Variants in CAST observed in about 807,000 individuals in gnomAD.
The protein encoded by CAST is calpastatin, also known as MIR583 host.
In CAST, 76 loss-of-function variants were observed where a neutral mutation model predicts 119.6. The ratio of observed to expected loss-of-function variants is 0.64; its 90% confidence interval spans 0.53 to 0.77. The LOEUF is 0.77. Ranked by LOEUF, CAST falls within the 30% of genes least tolerant of loss-of-function variation. CAST has a pLI of 0.00. For missense variants in CAST, 953 were observed against 946.5 expected (o/e 1.01, Z -0.09); for synonymous variants, 319 against 331.6 (o/e 0.96, Z 0.41).
At chr5:96,013,331 T>A in the CAST span, among the ~76,000 whole-genome samples, 3 of 151,774 alleles carry the variant, frequency 2.0e-5, no homozygotes, top group East Asian at 1.9e-4. Flanking sequence ...AATATATAGC[T>A]CCCACTCCAC....
At chr5:96,633,175 GT>G (rs1249510244) in intron 1 of CAST, among the ~76,000 whole-genome samples, 1 of 152,074 alleles carries the variant, frequency 6.6e-6, no homozygotes, top group African/African-American at 2.4e-5. Flanking sequence ...GTTTCATCAT[GT>G]TGGTCAAGCT....
chr5:96,263,120 A>T, the CAST span, among the ~76,000 whole-genome samples: 1 of 152,202 alleles, frequency 6.6e-6, no homozygotes, highest in African/African-American at 2.4e-5. Flanking sequence ...AGACAAACCA[A>T]GTATGAATTT....
intron 1 of CAST, among the ~76,000 whole-genome samples, chr5:96,579,734 T>C (rs989512696): frequency 1.3e-5 from 2 of 152,356 alleles, no homozygotes; most frequent in East Asian, 1.9e-4. Context: ...TTACAGTTCA[T>C]TGTAGTTCAT....
the CAST span, among the ~76,000 whole-genome samples, chr5:96,134,087 C>T: frequency 1.3e-5 from 2 of 152,182 alleles, no homozygotes; most frequent in African/African-American, 2.4e-5. Context: ...CACCATTTGG[C>T]CTTTAGTTGG....
At chr5:96,255,547 C>A in the CAST span, among the ~76,000 whole-genome samples, 1 of 130,126 alleles carries the variant, frequency 7.7e-6, no homozygotes, top group Non-Finnish European at 1.6e-5. Flanking sequence ...AGTAATAAAA[C>A]CAGGTCAGTC....
chr5:96,036,804 A>G, the CAST span, among the ~76,000 whole-genome samples: 2 of 152,164 alleles, frequency 1.3e-5, no homozygotes, highest in Non-Finnish European at 2.9e-5. Flanking sequence ...GCCAATACTT[A>G]TGTTCATTAT....
At chr5:96,682,252 C>T (rs26482) in intron 2 of CAST, among the ~76,000 whole-genome samples, 47,865 of 152,040 alleles carry the variant, frequency 0.31, 9,188 homozygotes, top group African/African-American at 0.54. Context: ...TTTTCTTTTG[C>T]TGACATTTAC....
At chr5:96,224,903 C>A in the CAST span, among the ~76,000 whole-genome samples, 5 of 152,288 alleles carry the variant, frequency 3.3e-5, no homozygotes, top group Admixed American at 3.3e-4. Flanking sequence ...TCTGAACTGG[C>A]CAACTCAGCT....
chr5:96,309,215 G>A, the CAST span, among the ~76,000 whole-genome samples: 17 of 152,186 alleles, frequency 1.1e-4, no homozygotes, highest in African/African-American at 3.6e-4. Context: ...AGTGGGCTCC[G>A]CCCAGTTCGA....
At chr5:95,966,614 C>T in the CAST span, among the ~76,000 whole-genome samples, 1 of 152,126 alleles carries the variant, frequency 6.6e-6, no homozygotes, top group Non-Finnish European at 1.5e-5. Context: ...AAAGTCCCTC[C>T]TCCCTTCCAG....
chr5:96,703,647 CAG>C (rs1441969142), intron 3 of CAST, among the ~76,000 whole-genome samples: 24 of 152,280 alleles, frequency 1.6e-4, no homozygotes, highest in South Asian at 1.0e-3. Flanking sequence ...GAAAATGAGG[CAG>C]AGAGTTTAGA....
intron 2 of CAST, among the ~76,000 whole-genome samples, chr5:96,690,706 T>C (rs1221853218): frequency 6.6e-6 from 1 of 151,384 alleles, no homozygotes; most frequent in Non-Finnish European, 1.5e-5. Context: ...ACTTAAACTA[T>C]GGTGTTAAAA....
chr5:96,545,906 C>A (rs1475894750), intron 1 of CAST, among the ~76,000 whole-genome samples: 11 of 152,338 alleles, frequency 7.2e-5, no homozygotes, highest in Non-Finnish European at 1.6e-4. Context: ...TATCTTTAGT[C>A]TAACCACATA....
chr5:96,657,891 G>A (rs1469123986), upstream of CAST, among the ~76,000 whole-genome samples: 4 of 152,172 alleles, frequency 2.6e-5, no homozygotes, highest in Non-Finnish European at 5.9e-5. Flanking sequence ...GAGGTCAGGA[G>A]TTCGAGACCA....
the CAST span, among the ~76,000 whole-genome samples, chr5:96,514,727 T>C: frequency 1.3e-5 from 2 of 152,028 alleles, no homozygotes; most frequent in African/African-American, 2.4e-5. Context: ...CTATTTCCTC[T>C]TGCTTGTTTG....
the CAST span, among the ~76,000 whole-genome samples, chr5:96,455,888 T>A: frequency 2.0e-5 from 3 of 152,248 alleles, no homozygotes; most frequent in African/African-American, 7.2e-5. Flanking sequence ...CCTTAAGGTC[T>A]CTGATGGCAA....
chr5:96,277,234 T>C, the CAST span, among the ~76,000 whole-genome samples: 1 of 115,432 alleles, frequency 8.7e-6, no homozygotes, highest in African/African-American at 3.3e-5. Flanking sequence ...GCTATGCACA[T>C]TTTTCAGTTT....
the CAST span, among the ~76,000 whole-genome samples, chr5:96,012,792 T>C: frequency 6.6e-6 from 1 of 152,206 alleles, no homozygotes; most frequent in Non-Finnish European, 1.5e-5. Flanking sequence ...ACCCTTGACT[T>C]GCTTTGGCTA....
At chr5:96,311,628 T>A in the CAST span, among the ~76,000 whole-genome samples, 1 of 152,108 alleles carries the variant, frequency 6.6e-6, no homozygotes, top group Admixed American at 6.5e-5. Context: ...ATCTTCTTGA[T>A]GAAATCACCA....
Sources: allele counts gnomAD v4.1 joint callset (sites outside exome capture counted in the v4.1 genomes callset), GRCh38; gene constraint gnomAD v4.1.1; transcripts MANE v1.5; gene names NCBI Gene and HGNC (gene_info 2026-07-23, HGNC 2026-07-21).